Variants in ROBO2 observed in about 807,000 individuals in gnomAD.
ROBO2 encodes the protein roundabout homolog 2.
ROBO2 carries 53 observed loss-of-function variants against 160.8 expected under a neutral mutation model. The ratio of observed to expected loss-of-function variants is 0.33; its 90% CI spans 0.26 to 0.41. The LOEUF is 0.41. Ranked by LOEUF, ROBO2 falls within the 10% of genes least tolerant of loss-of-function variation. ROBO2 has a pLI of 1.00. For missense variants in ROBO2, 1,577 were observed against 1,722.4 expected, an observed-to-expected ratio of 0.92 and a Z score of 1.49; for synonymous variants, 664 against 611.7, an observed-to-expected ratio of 1.09 and a Z score of -1.26.
intron 1 of ROBO2, among the ~76,000 whole-genome samples, chr3:77,085,681 C>A (rs768885264): frequency 6.6e-6 from 1 of 152,030 alleles, no homozygotes; most frequent in East Asian, 1.9e-4. Context: ...TAAGCCAACT[C>A]GATTATGGCC....
chr3:77,547,851 C>T (rs1233301462), intron 7 of ROBO2, among the ~76,000 whole-genome samples: 1 of 152,102 alleles, frequency 6.6e-6, no homozygotes, highest in East Asian at 1.9e-4. Context: ...CAGGTTTCTA[C>T]ACATAGAGTT....
chr3:76,905,902 C>T (rs2075570443), intron 2 of ROBO2, among the ~76,000 whole-genome samples: 1 of 152,132 alleles, frequency 6.6e-6, no homozygotes, highest in African/African-American at 2.4e-5. Context: ...AAGTTTAGTT[C>T]CTGGAGTTAC....
chr3:77,639,553 T>A (rs1275258409), intron 24 of ROBO2, among the ~76,000 whole-genome samples: 1 of 152,192 alleles, frequency 6.6e-6, no homozygotes, highest in Non-Finnish European at 1.5e-5. Context: ...GGAAAGGTTA[T>A]TCCAGGAAAT....
intron 2 of ROBO2, among the ~76,000 whole-genome samples, chr3:76,585,716 A>G (rs2085992478): frequency 6.6e-6 from 1 of 152,168 alleles, no homozygotes; most frequent in African/African-American, 2.4e-5. Flanking sequence ...ATAATCAACT[A>G]GTTGGTACCT....
intron 1 of ROBO2, among the ~76,000 whole-genome samples, chr3:77,071,857 C>CATTCCT (rs1001758018): frequency 6.6e-6 from 1 of 152,116 alleles, no homozygotes; most frequent in Non-Finnish European, 1.5e-5. Flanking sequence ...AATCTATCCA[C>CATTCCT]CACTCTCATT....
intron 1 of ROBO2, among the ~76,000 whole-genome samples, chr3:77,063,365 G>T (rs959518000): frequency 6.6e-6 from 1 of 152,174 alleles, no homozygotes; most frequent in Non-Finnish European, 1.5e-5. Context: ...GGAGGAGGTT[G>T]CAGAGGAACT....
At chr3:76,652,781 A>G (rs1176931719) in intron 2 of ROBO2, among the ~76,000 whole-genome samples, 1 of 152,092 alleles carries the variant, frequency 6.6e-6, no homozygotes, top group Non-Finnish European at 1.5e-5. Flanking sequence ...AGCTAGGCAT[A>G]AAGTTCTGCT....
intron 2 of ROBO2, among the ~76,000 whole-genome samples, chr3:77,179,652 A>G (rs961162375): frequency 7.2e-5 from 11 of 152,290 alleles, no homozygotes; most frequent in Non-Finnish European, 1.6e-4. Context: ...TTTGCTATCT[A>G]TGTCCCGTTT....
intron 2 of ROBO2, among the ~76,000 whole-genome samples, chr3:76,577,627 T>C (rs2085390409): frequency 6.6e-6 from 1 of 152,140 alleles, no homozygotes; most frequent in South Asian, 2.1e-4. Flanking sequence ...TAAGTGCTTG[T>C]ATTTAATCAA....
intron 2 of ROBO2, among the ~76,000 whole-genome samples, chr3:77,455,039 A>C (rs1050332124): frequency 6.6e-6 from 1 of 152,206 alleles, no homozygotes; most frequent in Non-Finnish European, 1.5e-5. Flanking sequence ...TATAAAGTAG[A>C]TGTTAATAGT....
intron 2 of ROBO2, among the ~76,000 whole-genome samples, chr3:76,397,657 G>A (rs902450456): frequency 6.6e-6 from 1 of 152,030 alleles, no homozygotes; most frequent in Non-Finnish European, 1.5e-5. Flanking sequence ...ATCAAAAAGT[G>A]GGCGAAGGAC....
chr3:76,096,092 A>C (rs2069441386), intron 2 of ROBO2, among the ~76,000 whole-genome samples: 1 of 152,164 alleles, frequency 6.6e-6, no homozygotes, highest in African/African-American at 2.4e-5. Context: ...AGGCCTCGTA[A>C]GCAATAATCT....
At chr3:76,940,627 C>G (rs2078125083) in intron 2 of ROBO2, among the ~76,000 whole-genome samples, 1 of 152,198 alleles carries the variant, frequency 6.6e-6, no homozygotes, top group Non-Finnish European at 1.5e-5. Context: ...TCCATCATCT[C>G]TGATTTGAAA....
At chr3:76,681,751 A>G (rs747316990) in intron 2 of ROBO2, among the ~76,000 whole-genome samples, 10 of 152,146 alleles carry the variant, frequency 6.6e-5, no homozygotes, top group Non-Finnish European at 1.5e-4. Context: ...AGTGAGAGGT[A>G]TTAGGCTGGT....
At chr3:77,132,112 G>A (rs1186666742) in intron 2 of ROBO2, among the ~76,000 whole-genome samples, 1 of 152,024 alleles carries the variant, frequency 6.6e-6, no homozygotes, top group Non-Finnish European at 1.5e-5. Context: ...TTAAAATTAT[G>A]AGAATTAAAA....
intron 2 of ROBO2, among the ~76,000 whole-genome samples, chr3:77,467,169 A>G (rs1204175776): frequency 6.6e-6 from 1 of 152,244 alleles, no homozygotes; most frequent in African/African-American, 2.4e-5. Flanking sequence ...AACTATAGCT[A>G]TAAGTCAGTA....
At chr3:75,927,452 G>A (rs1295175049) in intron 1 of ROBO2, among the ~76,000 whole-genome samples, 1 of 152,150 alleles carries the variant, frequency 6.6e-6, no homozygotes, top group Non-Finnish European at 1.5e-5. Flanking sequence ...GAGAGGTTAA[G>A]TAACTATTAC....
At chr3:76,492,777 A>G (rs1353721089) in intron 2 of ROBO2, among the ~76,000 whole-genome samples, 1 of 152,082 alleles carries the variant, frequency 6.6e-6, no homozygotes, top group Non-Finnish European at 1.5e-5. Flanking sequence ...CCAGTTATCC[A>G]TGTTTTTCCA....
At chr3:77,166,444 A>G (rs2079082750) in intron 2 of ROBO2, among the ~76,000 whole-genome samples, 1 of 152,152 alleles carries the variant, frequency 6.6e-6, no homozygotes, top group African/African-American at 2.4e-5. Context: ...TTAATTCGGG[A>G]TTATGCATTG....
Sources: gnomAD v4.1 joint callset for allele counts (sites outside exome capture counted in the v4.1 genomes callset) on GRCh38, gnomAD v4.1.1 for gene constraint, MANE v1.5 for transcripts, NCBI Gene and HGNC (gene_info 2026-07-23, HGNC 2026-07-21) for gene names.